CCDC7: variants seen among roughly 807,000 people sequenced by gnomAD.
CCDC7 encodes the protein coiled-coil domain-containing protein 7.
In CCDC7, 183 loss-of-function variants were observed where a neutral mutation model predicts 196.9. The ratio of observed to expected loss-of-function variants is 0.93; its 90% confidence interval spans 0.82 to 1.05. The LOEUF (loss-of-function observed/expected upper bound fraction) is 1.05, where lower values mean the gene tolerates loss of function less well. Among genes scored for constraint, CCDC7 ranks in the 50% least tolerant of loss-of-function variants. CCDC7 has a pLI of 0.00. For synonymous variants in CCDC7, 525 were observed against 484.6 expected (o/e 1.08, Z -1.10); for missense variants, 1,540 against 1,482.2 (o/e 1.04, Z -0.64).
At chr10:32,553,793 G>A (rs557650869) in intron 13 of CCDC7, among the ~76,000 whole-genome samples, 2 of 152,258 alleles carry the variant, frequency 1.3e-5, no homozygotes, top group African/African-American at 4.8e-5. Context: ...TTTTGTGCTG[G>A]TTGGCCTCCT....
At chr10:32,689,551 C>G (rs1438899438) in intron 23 of CCDC7, among the ~76,000 whole-genome samples, 1 of 152,070 alleles carries the variant, frequency 6.6e-6, no homozygotes, top group Non-Finnish European at 1.5e-5. Context: ...AAATGGGGAT[C>G]ATAATAACCT....
At chr10:32,533,425 T>C (rs564738648) in intron 11 of CCDC7, among the ~76,000 whole-genome samples, 1 of 152,220 alleles carries the variant, frequency 6.6e-6, no homozygotes, top group Non-Finnish European at 1.5e-5. Context: ...TATGAGCAAA[T>C]TGCACACCAC....
chr10:32,683,493 A>G (rs1318252827), intron 21 of CCDC7, among the ~76,000 whole-genome samples: 1 of 152,162 alleles, frequency 6.6e-6, no homozygotes, highest in Non-Finnish European at 1.5e-5. Flanking sequence ...ATTGCTCCAT[A>G]TGAATTTTAG....
intron 24 of CCDC7, among the ~76,000 whole-genome samples, chr10:32,695,996 T>A (rs1302997147): frequency 6.2e-4 from 2 of 3,234 alleles, no homozygotes; most frequent in Non-Finnish European, 0.17. Context: ...CAATGAAGAC[T>A]TTTTTTTTTT....
chr10:32,721,994 C>T (rs1166780981), intron 25 of CCDC7, among the ~76,000 whole-genome samples: 5 of 152,072 alleles, frequency 3.3e-5, no homozygotes, highest in Non-Finnish European at 7.4e-5. Flanking sequence ...AATAATCAAT[C>T]GAATCTCTGT....
intron 30 of CCDC7, among the ~76,000 whole-genome samples, chr10:32,806,253 A>C (rs1489921264): frequency 6.6e-6 from 1 of 152,206 alleles, no homozygotes; most frequent in Non-Finnish European, 1.5e-5. Context: ...CATACCCAGA[A>C]AGAAGAGGAA....
intron 22 of CCDC7, among the ~76,000 whole-genome samples, chr10:32,686,791 A>G (rs931297136): frequency 2.0e-5 from 3 of 152,198 alleles, no homozygotes; most frequent in Non-Finnish European, 4.4e-5. Context: ...CTTTTTATGT[A>G]TTAATGGCCC....
At position 32,834,970 on chromosome 10, in the gene CCDC7, T is replaced by A. The variant is rs895728738; in HGVS notation, c.3352+72T>A. 6.5e-6 allele frequency: 4 copies of A among 612,442 alleles called. No homozygotes were observed. The Admixed American group carries it at 1.3e-4, about 20-fold the overall frequency. The allele number at this position is 612,442 out of a possible 1,614,324, so 37.9% of individuals were successfully genotyped here. ...TCTGAAGTTAAATATGGATCTTTGA[T>A]GACAACTGTAGCTGTAAGTTATTAC... On this transcript the variant is annotated intron_variant, in intron 33 of 41. Transcript: ENST00000639629.
At chr10:32,729,507 G>A (rs2083597559) in intron 28 of CCDC7, 50 bp downstream of exon 29, 4 of 955,410 alleles carry the variant, frequency 4.2e-6, no homozygotes, top group Non-Finnish European at 6.0e-6. Context: ...AAATTCAGGA[G>A]AAATTTGTTT....
At chr10:32,821,698 A>T (rs2135604931) in intron 31 of CCDC7, among the ~76,000 whole-genome samples, 1 of 152,304 alleles carries the variant, frequency 6.6e-6, no homozygotes, top group Non-Finnish European at 1.5e-5. Flanking sequence ...ATTCTCAGCA[A>T]ACTATCGCAA....
chr10:32,703,324 T>C (rs7091975), intron 24 of CCDC7, among the ~76,000 whole-genome samples: 8,087 of 151,760 alleles, frequency 0.053, 728 homozygotes, highest in African/African-American at 0.18. Flanking sequence ...CTTTTCTTTA[T>C]GAATGTTGAA....
chr10:32,563,349 C>G (rs2056133836), intron 13 of CCDC7, among the ~76,000 whole-genome samples: 1 of 152,178 alleles, frequency 6.6e-6, no homozygotes, highest in Admixed American at 6.5e-5. Context: ...CAAGTCAATC[C>G]TAAGCCAAAA....
chr10:32,844,631 TA>T (rs1276797553), intron 33 of CCDC7, among the ~76,000 whole-genome samples: 1 of 151,876 alleles, frequency 6.6e-6, no homozygotes, highest in Non-Finnish European at 1.5e-5. Context: ...AGGATAATTT[TA>T]ATTTGCATAA....
At chr10:32,733,088 C>T (rs1431427855) in intron 28 of CCDC7, among the ~76,000 whole-genome samples, 1 of 151,904 alleles carries the variant, frequency 6.6e-6, no homozygotes. Context: ...TTTGAATCTC[C>T]TTTTAAAGTT....
At chr10:32,524,162 G>T (rs1292002708) in intron 11 of CCDC7, among the ~76,000 whole-genome samples, 1 of 142,504 alleles carries the variant, frequency 7.0e-6, no homozygotes, top group Non-Finnish European at 1.5e-5. Context: ...CTTGTTTTTT[G>T]ATTTGAGGTT....
intron 21 of CCDC7, among the ~76,000 whole-genome samples, chr10:32,668,533 A>T (rs995214940): frequency 6.6e-6 from 1 of 152,128 alleles, no homozygotes; most frequent in Non-Finnish European, 1.5e-5. Flanking sequence ...TATTATTTTG[A>T]GATATGTCCC....
chr10:32,669,365 G>T (rs1463338166), intron 21 of CCDC7, among the ~76,000 whole-genome samples: 1 of 152,056 alleles, frequency 6.6e-6, no homozygotes, highest in African/African-American at 2.4e-5. Flanking sequence ...TAGTGTCCTT[G>T]TCTGGCTTTG....
intron 28 of CCDC7, among the ~76,000 whole-genome samples, chr10:32,735,525 A>G (rs2084717040): frequency 6.6e-6 from 1 of 152,092 alleles, no homozygotes; most frequent in African/African-American, 2.4e-5. Context: ...CTTTTTTGGT[A>G]TCTCTTCAGC....
At chr10:32,664,200 A>G (rs1037349688) in intron 21 of CCDC7, 39 bp downstream of exon 22, 2 of 391,498 alleles carry the variant, frequency 5.1e-6, no homozygotes, top group African/African-American at 4.1e-5. Context: ...AAATAATTTA[A>G]GATTTATTTT....
Sources: allele counts gnomAD v4.1 joint callset (sites outside exome capture counted in the v4.1 genomes callset), GRCh38; gene constraint gnomAD v4.1.1; transcripts MANE v1.5; gene names NCBI Gene and HGNC (gene_info 2026-07-23, HGNC 2026-07-21).